ERC2: variants seen among roughly 807,000 people sequenced by gnomAD.
ERC2 encodes ERC protein 2.
In ERC2, 42 loss-of-function variants were observed where a neutral mutation model predicts 114.8. That is an observed-to-expected ratio of 0.37 (90% confidence interval 0.29 to 0.47). The LOEUF (loss-of-function observed/expected upper bound fraction) is 0.47. ERC2 is among the 20% of genes least tolerant of loss of function. The pLI is 0.99. For synonymous variants in ERC2, 454 were observed against 425.5 expected, an observed-to-expected ratio of 1.07 and a Z score of -0.82; for missense variants, 939 against 1,150.7, an observed-to-expected ratio of 0.82 and a Z score of 2.66.
chr3:56,318,030 T>C (rs907693765), intron 2 of ERC2, among the ~76,000 whole-genome samples: 8 of 152,232 alleles, frequency 5.3e-5, no homozygotes, highest in Non-Finnish European at 1.5e-5. Flanking sequence ...CTGTTTCTCA[T>C]TGTTATAGCT....
At chr3:55,705,103 G>C (rs2063414509) in intron 15 of ERC2, among the ~76,000 whole-genome samples, 1 of 152,160 alleles carries the variant, frequency 6.6e-6, no homozygotes, top group Admixed American at 6.5e-5. Flanking sequence ...AAGATGAATA[G>C]GACATGAGGA....
At chr3:56,038,427 G>A (rs2074940019) in intron 7 of ERC2, among the ~76,000 whole-genome samples, 1 of 152,018 alleles carries the variant, frequency 6.6e-6, no homozygotes, top group Admixed American at 6.5e-5. Context: ...AAAAAATCAA[G>A]AAACAACAGA....
At chr3:56,161,650 G>C (rs553696122) in intron 4 of ERC2, among the ~76,000 whole-genome samples, 1 of 152,068 alleles carries the variant, frequency 6.6e-6, no homozygotes, top group African/African-American at 2.4e-5. Flanking sequence ...TTTTGTGTGT[G>C]TGTGTGGCTA....
chr3:56,002,906 G>A (rs941587016), intron 10 of ERC2, among the ~76,000 whole-genome samples: 1 of 152,130 alleles, frequency 6.6e-6, no homozygotes, highest in East Asian at 1.9e-4. Context: ...ATTTTCTTGA[G>A]TTATTAATTT....
intron 15 of ERC2, among the ~76,000 whole-genome samples, chr3:55,720,072 CTCCCCTCCCCCT>C (rs1199757415): frequency 2.3e-5 from 1 of 42,806 alleles, no homozygotes; most frequent in African/African-American, 9.0e-5. Context: ...CCCCTCTTCT[CTCCCCTCCCCCT>C]TCCCCTCCCC....
At chr3:55,831,783 G>A (rs1410796114) in intron 14 of ERC2, among the ~76,000 whole-genome samples, 1 of 152,176 alleles carries the variant, frequency 6.6e-6, no homozygotes, top group African/African-American at 2.4e-5. Context: ...CACCGTGTGT[G>A]AGTCGAAGCA....
chr3:55,665,718 A>G (rs1049904442), intron 17 of ERC2, among the ~76,000 whole-genome samples: 3 of 152,220 alleles, frequency 2.0e-5, no homozygotes, highest in African/African-American at 4.8e-5. Flanking sequence ...TTGTTATGGC[A>G]GCCCTAGAAA....
chr3:55,533,672 GA>G (rs1402773006), intron 17 of ERC2, among the ~76,000 whole-genome samples: 3 of 152,190 alleles, frequency 2.0e-5, no homozygotes, highest in African/African-American at 7.2e-5. Context: ...CTGGTGTGGA[GA>G]GATCAGGATG....
chr3:56,413,778 G>A (rs916761482), intron 2 of ERC2, among the ~76,000 whole-genome samples: 2 of 152,138 alleles, frequency 1.3e-5, no homozygotes, highest in Non-Finnish European at 2.9e-5. Context: ...TGATATTGCA[G>A]GTTTGAAGAA....
intron 17 of ERC2, among the ~76,000 whole-genome samples, chr3:55,621,320 A>G (rs2059320478): frequency 6.6e-6 from 1 of 152,184 alleles, no homozygotes; most frequent in African/African-American, 2.4e-5. Context: ...ACATGTCCCT[A>G]AAGACAAGTG....
intron 17 of ERC2, among the ~76,000 whole-genome samples, chr3:55,523,016 G>C (rs2053066766): frequency 6.6e-6 from 1 of 152,228 alleles, no homozygotes; most frequent in Non-Finnish European, 1.5e-5. Flanking sequence ...GTCCTGGCAG[G>C]CAGGGTTCAG....
At chr3:55,741,810 A>G (rs2148941130) in intron 14 of ERC2, among the ~76,000 whole-genome samples, 2 of 152,338 alleles carry the variant, frequency 1.3e-5, no homozygotes, top group South Asian at 4.1e-4. Context: ...AAATAAATCT[A>G]TAAAAGTCTG....
chr3:56,434,178 T>A (rs2061916861), intron 2 of ERC2, 173 bp downstream of exon 2: 1 of 607,030 alleles, frequency 1.6e-6, no homozygotes. Flanking sequence ...TTACAAGCTG[T>A]AATGGTATAT....
At chr3:56,210,755 T>TCC (rs2049008081) in intron 3 of ERC2, among the ~76,000 whole-genome samples, 1 of 152,220 alleles carries the variant, frequency 6.6e-6, no homozygotes, top group Non-Finnish European at 1.5e-5. Context: ...ACTTTAGTCA[T>TCC]CCCTGATATT....
intron 3 of ERC2, among the ~76,000 whole-genome samples, chr3:56,252,757 C>CAAAAAA (rs71099628): frequency 0.3 from 21,887 of 72,850 alleles, 3,300 homozygotes; most frequent in Non-Finnish European, 0.38. Context: ...AACTCTGTCT[C>CAAAAAA]AAAAAAAAAA....
chr3:56,240,871 C>T (rs987677218), intron 3 of ERC2, among the ~76,000 whole-genome samples: 10 of 152,080 alleles, frequency 6.6e-5, no homozygotes, highest in Non-Finnish European at 1.0e-4. Context: ...AGGTTGGTTA[C>T]GTGGATATAT....
At chr3:56,322,335 T>G (rs2057165676) in intron 2 of ERC2, among the ~76,000 whole-genome samples, 1 of 152,206 alleles carries the variant, frequency 6.6e-6, no homozygotes. Context: ...CCTATCCAGA[T>G]AACCTTTTGC....
chr3:56,441,791 C>G (rs1301514293), intron 1 of ERC2, among the ~76,000 whole-genome samples: 1 of 152,236 alleles, frequency 6.6e-6, no homozygotes, highest in Non-Finnish European at 1.5e-5. Flanking sequence ...AAGTGATCCA[C>G]ACGCCTCGGC....
chr3:56,050,128 T>C (rs995056897), intron 7 of ERC2, among the ~76,000 whole-genome samples: 1 of 152,230 alleles, frequency 6.6e-6, no homozygotes, highest in East Asian at 1.9e-4. Flanking sequence ...ATTGCAGTGA[T>C]GGTCATGGGA....
Sources: allele counts gnomAD v4.1 joint callset (sites outside exome capture counted in the v4.1 genomes callset), GRCh38; gene constraint gnomAD v4.1.1; transcripts MANE v1.5; gene names NCBI Gene and HGNC (gene_info 2026-07-23, HGNC 2026-07-21).